The following PDSS2 variants were observed in gnomAD, a reference collection of about 807,000 sequenced individuals.
PDSS2 encodes the protein decaprenyl diphosphate synthase subunit 2.
A neutral mutation model predicts 44.5 loss-of-function variants in PDSS2; 31 were observed. The observed-to-expected ratio is 0.70, with a 90% CI of 0.52 to 0.94. The LOEUF is 0.94. PDSS2 is among the 40% of genes least tolerant of loss of function. The pLI is 0.00. For synonymous variants in PDSS2, 157 were observed against 180.3 expected (o/e 0.87, Z 1.03); for missense variants, 452 against 482.2 (o/e 0.94, Z 0.59).
chr6:107,434,908 C>A (rs1781301524), intron 1 of PDSS2, among the ~76,000 whole-genome samples: 1 of 151,836 alleles, frequency 6.6e-6, no homozygotes, highest in South Asian at 2.1e-4. Context: ...CATTTATACT[C>A]CATAAATATA....
chr6:107,424,536 A>C (rs1297589596), intron 1 of PDSS2, among the ~76,000 whole-genome samples: 1 of 152,018 alleles, frequency 6.6e-6, no homozygotes, highest in East Asian at 1.9e-4. Flanking sequence ...TTTTTTTTTC[A>C]ACACTTAGCT....
chr6:107,159,397 GCTAC>G (rs1370658974), intron 7 of PDSS2, among the ~76,000 whole-genome samples: 1 of 148,422 alleles, frequency 6.7e-6, no homozygotes, highest in African/African-American at 2.5e-5. Flanking sequence ...AAGCAAGCAA[GCTAC>G]CCTATTTTCT....
At chr6:107,429,905 T>A (rs68191908) in intron 1 of PDSS2, among the ~76,000 whole-genome samples, 2,834 of 15,842 alleles carry the variant, frequency 0.18, 467 homozygotes, top group African/African-American at 0.19. Flanking sequence ...AAAAAAAATA[T>A]ATATATATAT....
chr6:107,166,849 CT>C (rs1771369009), intron 7 of PDSS2, among the ~76,000 whole-genome samples: 2 of 152,236 alleles, frequency 1.3e-5, no homozygotes, highest in South Asian at 2.1e-4. Flanking sequence ...GGTGGATAAG[CT>C]TTTTGATGTG....
At chr6:107,200,854 C>T (rs74322927) in intron 6 of PDSS2, among the ~76,000 whole-genome samples, 2 of 151,786 alleles carry the variant, frequency 1.3e-5, no homozygotes, top group African/African-American at 2.4e-5. Context: ...TTTAGTATAA[C>T]GGGGTTTTGT....
chr6:107,429,901 AATAT>A lies in PDSS2; in HGVS notation c.296+29085_296+29088del, dbSNP rs869061691. On this transcript the variant is annotated intron_variant, in intron 1 of 7. Transcript: ENST00000369037. Reference sequence around the variant, plus strand: ...CTTAGTCTCAAAAAAAAAAAAAAAAAATATATATATATATATATATATATATATA... The same window carrying A: ...CTTAGTCTCAAAAAAAAAAAAAAAAAATATATATATATATATATATATATA... 3.8e-3 allele frequency among the ~76,000 whole-genome samples: 122 copies of A among 31,728 alleles called. 1 individual carries two copies. Among genetic ancestry groups the A allele is most frequent in the African/African-American group, 0.011 (88 of 7,918 alleles). 20.8% of individuals were successfully genotyped at this position (31,728 alleles called of 152,430 possible). A position where few individuals can be genotyped will look rare whatever the true frequency, so the allele number is the denominator to read the frequency against.
At chr6:107,309,274 C>G (rs1432390743) in intron 2 of PDSS2, among the ~76,000 whole-genome samples, 2 of 152,184 alleles carry the variant, frequency 1.3e-5, no homozygotes, top group Non-Finnish European at 2.9e-5. Context: ...TGGTCTAAAA[C>G]AGAGGCCTAC....
At chr6:107,209,725 C>G (rs1314647161) in intron 6 of PDSS2, among the ~76,000 whole-genome samples, 2 of 152,010 alleles carry the variant, frequency 1.3e-5, no homozygotes, top group Non-Finnish European at 2.9e-5. Context: ...CCCATGCTCT[C>G]TCCTTTAAGG....
At chr6:107,215,747 T>G (rs1483878938) in intron 4 of PDSS2, among the ~76,000 whole-genome samples, 2 of 152,174 alleles carry the variant, frequency 1.3e-5, no homozygotes, top group African/African-American at 4.8e-5. Flanking sequence ...CATAATAAAT[T>G]GTATTAACTA....
intron 1 of PDSS2, among the ~76,000 whole-genome samples, chr6:107,407,201 GAACAAACA>G (rs1375325769): frequency 1.3e-5 from 2 of 152,154 alleles, no homozygotes; most frequent in Non-Finnish European, 2.9e-5. Flanking sequence ...CAGAAATAAA[GAACAAACA>G]TTGTATGATT....
chr6:107,321,029 G>A (rs1042803498), intron 2 of PDSS2, among the ~76,000 whole-genome samples: 68 of 152,256 alleles, frequency 4.5e-4, no homozygotes, highest in African/African-American at 1.6e-3. Context: ...ACCAAGAAAA[G>A]CAATTTCTTA....
intron 4 of PDSS2, among the ~76,000 whole-genome samples, chr6:107,212,509 A>G (rs1482232388): frequency 1.3e-5 from 2 of 152,144 alleles, no homozygotes; most frequent in African/African-American, 2.4e-5. Flanking sequence ...GTTAAAGCAA[A>G]TTTTATTCTA....
chr6:107,253,384 A>G (rs1237058489), intron 3 of PDSS2, among the ~76,000 whole-genome samples: 1 of 152,256 alleles, frequency 6.6e-6, no homozygotes, highest in East Asian at 1.9e-4. Context: ...AACAAGTCTA[A>G]TAAATAACTT....
At chr6:107,395,740 G>A (rs1402064627) in intron 1 of PDSS2, among the ~76,000 whole-genome samples, 1 of 151,990 alleles carries the variant, frequency 6.6e-6, no homozygotes, top group Non-Finnish European at 1.5e-5. Flanking sequence ...TTTCAGGTCT[G>A]TTTCTATTAA....
chr6:107,241,478 C>T (rs1774428450), intron 4 of PDSS2, among the ~76,000 whole-genome samples: 2 of 150,740 alleles, frequency 1.3e-5, no homozygotes, highest in Non-Finnish European at 2.9e-5. Context: ...TCCCGAGTAG[C>T]TGGGACTACA....
At chr6:107,334,159 G>A (rs1359959953) in intron 2 of PDSS2, 39 bp downstream of exon 2, 7 of 1,579,322 alleles carry the variant, frequency 4.4e-6, no homozygotes, top group East Asian at 2.2e-5. Context: ...AAGAAAACAC[G>A]ATGTAGAGAG....
chr6:107,381,542 AG>A (rs1779456053), intron 1 of PDSS2, among the ~76,000 whole-genome samples: 1 of 152,246 alleles, frequency 6.6e-6, no homozygotes, highest in Non-Finnish European at 1.5e-5. Flanking sequence ...TAAACAAGAC[AG>A]GAAGTATAGT....
chr6:107,191,143 C>G (rs1562364134), intron 7 of PDSS2, among the ~76,000 whole-genome samples: 1 of 152,056 alleles, frequency 6.6e-6, no homozygotes, highest in South Asian at 2.1e-4. Context: ...CGCCCGCCTC[C>G]ACCTCCCAAA....
chr6:107,323,879 G>A (rs1777458966), intron 2 of PDSS2, among the ~76,000 whole-genome samples: 2 of 152,152 alleles, frequency 1.3e-5, no homozygotes, highest in African/African-American at 4.8e-5. Context: ...GTGTTTTGCT[G>A]TGATAGATTA....
Sources: gnomAD v4.1 joint callset for allele counts (sites outside exome capture counted in the v4.1 genomes callset) on GRCh38, gnomAD v4.1.1 for gene constraint, MANE v1.5 for transcripts, NCBI Gene and HGNC (gene_info 2026-07-23, HGNC 2026-07-21) for gene names.